PRICKLE1: variants seen among roughly 807,000 people sequenced by gnomAD.
PRICKLE1 encodes the protein prickle planar cell polarity protein 1.
Under a neutral mutation model 70.2 loss-of-function variants are expected in PRICKLE1, and 14 were observed. That is an observed-to-expected ratio of 0.20 (90% CI 0.13 to 0.31). The LOEUF (loss-of-function observed/expected upper bound fraction) is 0.31. Ranked by LOEUF, PRICKLE1 falls within the 10% of genes least tolerant of loss-of-function variation. The pLI, the probability that PRICKLE1 is intolerant of heterozygous loss-of-function variation, is 1.00. For missense variants in PRICKLE1, 821 were observed against 1,026.2 expected (o/e 0.80, Z 2.73); for synonymous variants, 357 against 379.9 (o/e 0.94, Z 0.70).
intron 1 of PRICKLE1, among the ~76,000 whole-genome samples, chr12:42,479,547 G>A (rs1938711793): frequency 6.6e-6 from 1 of 152,136 alleles, no homozygotes; most frequent in Non-Finnish European, 1.5e-5. Context: ...TTACTTTCTA[G>A]GTTCATTCAC....
intron 1 of PRICKLE1, among the ~76,000 whole-genome samples, chr12:42,495,861 G>A (rs1036825688): frequency 7.2e-5 from 11 of 152,220 alleles, no homozygotes; most frequent in African/African-American, 2.2e-4. Context: ...CGAAAGTGCC[G>A]GAATTACAGG....
At position 42,530,680 on chromosome 12, in the gene PRICKLE1, A is replaced by ATTTTTTTT. The variant is rs34675637; in HGVS notation, c.-48-58124_-48-58117dup. 8.2e-4 allele frequency among the ~76,000 whole-genome samples: 80 copies of ATTTTTTTT among 97,112 alleles called. 1 individual carries two copies. The highest frequency in any genetic ancestry group is 1.3e-3 in the Non-Finnish European group (70 of 52,128). 63.7% of individuals were successfully genotyped at this position (97,112 alleles called of 152,430 possible). ...AAAAGTCAGTGTATTTTATCAAATAATTTTTTTTTTTTTTTTTTTTTTTGA... is the reference window on the plus strand; with the variant it reads ...AAAAGTCAGTGTATTTTATCAAATAATTTTTTTTTTTTTTTTTTTTTTTTTTTTTTTGA... On this transcript the variant is annotated intron_variant, in intron 1 of 7. Coordinates refer to ENST00000345127, the MANE Select transcript of PRICKLE1 (RefSeq NM_153026.3).
rs1339763564 is a variant in PRICKLE1 at position 42,459,388 on chromosome 12, C to A, written c.*421G>T. On this transcript the variant is annotated 3_prime_UTR_variant, in exon 8 of 8. Transcript: ENST00000345127. ...CTAGGTCATCGTGACAGGCATGCCT[C>A]ACACCAAGACGGACTATCAAGACCT... 1 of 701,962 alleles carries A rather than the reference C, an allele frequency of 1.4e-6. No individual in the cohort carries two copies. Among genetic ancestry groups the A allele is most frequent in the Admixed American group, 2.0e-5 (1 of 49,852 alleles). 43.5% of individuals were successfully genotyped at this position (701,962 alleles called of 1,614,324 possible).
At chr12:42,477,638 C>G (rs1938621316) in intron 1 of PRICKLE1, among the ~76,000 whole-genome samples, 1 of 151,584 alleles carries the variant, frequency 6.6e-6, no homozygotes, top group Non-Finnish European at 1.5e-5. Context: ...TGCTCTGGGT[C>G]ATGGCTGAAG....
chr12:42,555,434 T>C (rs953355061), intron 1 of PRICKLE1, among the ~76,000 whole-genome samples: 40 of 152,226 alleles, frequency 2.6e-4, no homozygotes, highest in South Asian at 2.1e-4. Flanking sequence ...ATAATCTTTA[T>C]GTAAGAGTAT....
intron 1 of PRICKLE1, among the ~76,000 whole-genome samples, chr12:42,575,535 A>T (rs1940790528): frequency 1.3e-5 from 2 of 151,972 alleles, no homozygotes; most frequent in South Asian, 4.2e-4. Context: ...CTCTACTAAA[A>T]ATACAAAAAT....
intron 1 of PRICKLE1, among the ~76,000 whole-genome samples, chr12:42,492,200 C>T (rs1003835518): frequency 6.6e-6 from 1 of 152,156 alleles, no homozygotes. Context: ...CGCCCAGGCT[C>T]AAGTGATCCT....
intron 1 of PRICKLE1, among the ~76,000 whole-genome samples, chr12:42,488,765 A>C (rs1242526519): frequency 1.3e-5 from 2 of 152,190 alleles, no homozygotes; most frequent in Middle Eastern, 3.2e-3. Flanking sequence ...TGACATATAC[A>C]TTGCAAAATT....
intron 1 of PRICKLE1, among the ~76,000 whole-genome samples, chr12:42,515,270 G>C (rs565155281): frequency 1.4e-5 from 2 of 141,962 alleles, no homozygotes; most frequent in African/African-American, 2.7e-5. Flanking sequence ...ATGGAATTTC[G>C]CTCTTATTGC....
intron 1 of PRICKLE1, among the ~76,000 whole-genome samples, chr12:42,534,986 T>G (rs1939993340): frequency 6.6e-6 from 1 of 152,190 alleles, no homozygotes; most frequent in African/African-American, 2.4e-5. Context: ...TGGGACACCA[T>G]CTCTCATCCA....
rs1938198596 is a variant in PRICKLE1 at position 42,468,729 on chromosome 12, T to C, written c.485A>G (p.Asn162Ser). ...ATAGATGAGGTCGACCAGCAGCTCA[T>C]TACACGTGAAACAGACAAAACAGGA... is the stretch of plus-strand genomic sequence containing the variant. ...HPSCFVCFTCNELLVDLIYFY... is the reference protein window; with the variant it reads ...HPSCFVCFTCSELLVDLIYFY... The change falls in exon 5 of 8, where the codon AAT becomes AGT. Residue 162 changes from asparagine to serine, a missense_variant. Coordinates refer to ENST00000345127, the MANE Select transcript of PRICKLE1 (RefSeq NM_153026.3). 6.2e-7 allele frequency: 1 copy of C among 1,613,976 alleles called. No homozygotes were observed. The highest frequency in any genetic ancestry group is 8.5e-7 in the Non-Finnish European group (1 of 1,180,028).
At chr12:42,552,635 G>T (rs1328742128) in intron 1 of PRICKLE1, among the ~76,000 whole-genome samples, 1 of 152,226 alleles carries the variant, frequency 6.6e-6, no homozygotes, top group East Asian at 1.9e-4. Flanking sequence ...CTTCTTTCCA[G>T]AGGGACTTGA....
At chr12:42,479,877 C>T (rs11181517) in intron 1 of PRICKLE1, among the ~76,000 whole-genome samples, 1 of 152,018 alleles carries the variant, frequency 6.6e-6, no homozygotes, top group Non-Finnish European at 1.5e-5. Flanking sequence ...TTGCTTGAAC[C>T]TGGGAGGCAG....
chr12:42,559,586 TTATGTGTGTGTGTG>T (rs1344090778), intron 1 of PRICKLE1, among the ~76,000 whole-genome samples: 1 of 142,694 alleles, frequency 7.0e-6, no homozygotes, highest in Non-Finnish European at 1.5e-5. Flanking sequence ...ATGTGTGTGT[TTATGTGTGTGTGTG>T]TGTGTGTATA....
rs201217516 is a variant in PRICKLE1, at chr12:42,552,059, C to CTT, written c.-49+37404_-49+37405dup. 3.6e-3 allele frequency among the ~76,000 whole-genome samples: 471 copies of CTT among 129,104 alleles called. 7 individuals are homozygous for CTT. Among genetic ancestry groups the CTT allele is most frequent in the African/African-American group, 0.012 (394 of 32,860 alleles). The allele number at this position is 129,104 out of a possible 152,430, so 84.7% of individuals were successfully genotyped here. A position where few individuals can be genotyped will look rare whatever the true frequency, so the allele number is the denominator to read the frequency against. Reference sequence around the variant, plus strand: ...AACCTGTACACATTCAAGAAAGTTACTTTTTTTTTTTTTTTTTTTTTTTTG... The same window carrying CTT: ...AACCTGTACACATTCAAGAAAGTTACTTTTTTTTTTTTTTTTTTTTTTTTTTG... On this transcript the variant is annotated intron_variant, in intron 1 of 7. Transcript: ENST00000345127.
chr12:42,482,896 G>A (rs1303606728), intron 1 of PRICKLE1: 2 of 151,986 alleles, frequency 1.3e-5, no homozygotes, highest in African/African-American at 4.8e-5. Flanking sequence ...GCCTCAGAGC[G>A]GGCGTCGGCG....
At chr12:42,469,654 C>T (rs1392333912) in intron 3 of PRICKLE1, 67 bp from the exon 4 acceptor site, 9 of 1,604,070 alleles carry the variant, frequency 5.6e-6, no homozygotes, top group African/African-American at 4.0e-5. Context: ...TCTCTACTTC[C>T]AGAGTTAGGG....
chr12:42,554,633 G>A (rs1406825032), intron 1 of PRICKLE1, among the ~76,000 whole-genome samples: 1 of 152,180 alleles, frequency 6.6e-6, no homozygotes, highest in Non-Finnish European at 1.5e-5. Context: ...AAGAGGTGAG[G>A]CAAATTCTTG....
rs564953658 is a variant in PRICKLE1, at chr12:42,510,052, G to A, written c.-48-37488C>T. Among the ~76,000 whole-genome samples, 82 of 149,882 alleles carry A rather than the reference G, an allele frequency of 5.5e-4. 1 individual carries two copies. Among genetic ancestry groups the A allele is most frequent in the Middle Eastern group, 6.9e-3 (2 of 290 alleles). ...CATGCCACTGCACTCCAGCCTGGGT[G>A]ACAGAGCGAGACTCTGTCTCAAAAA... On this transcript the variant is annotated intron_variant, in intron 1 of 7. Transcript: ENST00000345127.
Sources: gnomAD v4.1 joint callset for allele counts (sites outside exome capture counted in the v4.1 genomes callset) on GRCh38, gnomAD v4.1.1 for gene constraint, MANE v1.5 for transcripts, NCBI Gene and HGNC (gene_info 2026-07-23, HGNC 2026-07-21) for gene names.